Variants in PTRH2 observed in about 807,000 individuals in gnomAD.
PTRH2 encodes the protein peptidyl-tRNA hydrolase 2, also known as peptidyl-tRNA hydrolase 2, mitochondrial.
Under a neutral mutation model 12.3 loss-of-function variants are expected in PTRH2, and 10 were observed. That is an observed-to-expected ratio of 0.81 (90% CI 0.50 to 1.38). PTRH2 has a LOEUF of 1.38. Among genes scored for constraint, PTRH2 ranks in the 40% most tolerant of loss-of-function variants. The pLI, the probability that PTRH2 is intolerant of heterozygous loss-of-function variation, is 0.00. For synonymous variants in PTRH2, 73 were observed against 77.4 expected, an observed-to-expected ratio of 0.94 and a Z score of 0.30; for missense variants, 176 against 214.1, an observed-to-expected ratio of 0.82 and a Z score of 1.11.
intron 1 of PTRH2, among the ~76,000 whole-genome samples, chr17:59,702,921 T>C (rs1433972418): frequency 6.6e-6 from 1 of 152,234 alleles, no homozygotes; most frequent in African/African-American, 2.4e-5. Context: ...TGCCCTATTG[T>C]ACGCTAATAA....
chr17:59,707,338 C>A (rs1256874226), intron 1 of PTRH2, 33 bp downstream of exon 1: 3 of 152,620 alleles, frequency 2.0e-5, no homozygotes, highest in Non-Finnish European at 4.4e-5. Flanking sequence ...TGATATTGGT[C>A]TCCTTCGCCC....
At chr17:59,699,511 G>C (rs1255506031) in intron 1 of PTRH2, 1 of 153,154 alleles carries the variant, frequency 6.5e-6, no homozygotes, top group Non-Finnish European at 1.5e-5. Flanking sequence ...GTATATGTAG[G>C]ATCACTGGCA....
At position 59,706,508 on chromosome 17, in the gene PTRH2, AAAAC is replaced by A. The variant is rs558197068; in HGVS notation, c.-1+859_-1+862del. 2.4e-3 allele frequency among the ~76,000 whole-genome samples: 362 copies of A among 151,060 alleles called. 3 individuals carry two copies. Among genetic ancestry groups the A allele is most frequent in the African/African-American group, 7.9e-3 (326 of 41,142 alleles). ...CCGGGTCTGCAGTTTACAACCGAAA[AAAAC>A]AAACAAACCTTTCCCAAATCTTCTC... is the stretch of plus-strand genomic sequence containing the variant. On this transcript the variant is annotated intron_variant, in intron 1 of 1. Transcript: ENST00000393038.
intron 1 of PTRH2, chr17:59,698,865 A>G: frequency 1.4e-6 from 1 of 716,516 alleles, no homozygotes; most frequent in Non-Finnish European, 2.6e-6. Context: ...TTGTATGGGT[A>G]CTCACCATTA....
chr17:59,699,218 G>T, intron 1 of PTRH2: 1 of 232,776 alleles, frequency 4.3e-6, no homozygotes. Context: ...GGCCACTGCT[G>T]ATAGCAGCAA....
At chr17:59,706,341 T>G (rs2033657095) in intron 1 of PTRH2, among the ~76,000 whole-genome samples, 1 of 152,142 alleles carries the variant, frequency 6.6e-6, no homozygotes, top group African/African-American at 2.4e-5. Flanking sequence ...TGCACCATGC[T>G]CCACCCGTTA....
intron 1 of PTRH2, among the ~76,000 whole-genome samples, chr17:59,706,320 T>C (rs746616573): frequency 6.6e-6 from 1 of 152,156 alleles, no homozygotes; most frequent in Non-Finnish European, 1.5e-5. Context: ...CTTGATCCCA[T>C]TACCTCCTTC....
At chr17:59,698,924 GAAA>G in intron 1 of PTRH2, 1 of 714,836 alleles carries the variant, frequency 1.4e-6, no homozygotes, top group Non-Finnish European at 2.6e-6. Context: ...TTGAAGCACT[GAAA>G]TAGAATTAAT....
intron 1 of PTRH2, among the ~76,000 whole-genome samples, chr17:59,702,903 G>C (rs2033579321): frequency 6.6e-6 from 1 of 152,170 alleles, no homozygotes; most frequent in African/African-American, 2.4e-5. Flanking sequence ...CCTTATGTTA[G>C]ATGATTTTGC....
intron 1 of PTRH2, chr17:59,698,287 C>A: frequency 2.8e-6 from 1 of 360,624 alleles, no homozygotes; most frequent in Non-Finnish European, 5.0e-6. Context: ...TCCGTTTTAC[C>A]AAGATGCCTA....
chr17:59,703,508 T>G (rs1465655248), intron 1 of PTRH2, among the ~76,000 whole-genome samples: 1 of 152,212 alleles, frequency 6.6e-6, no homozygotes, highest in African/African-American at 2.4e-5. Context: ...GAGCCCTTGT[T>G]CTTTTTTCTT....
chr17:59,699,059 G>GT (rs1042205991), intron 1 of PTRH2: 1 of 571,408 alleles, frequency 1.8e-6, no homozygotes, highest in African/African-American at 1.9e-5. Flanking sequence ...GCATAGTGTT[G>GT]TTCTTCAGGA....
intron 1 of PTRH2, among the ~76,000 whole-genome samples, chr17:59,702,501 C>T (rs946721775): frequency 3.3e-5 from 5 of 152,158 alleles, no homozygotes; most frequent in African/African-American, 1.2e-4. Context: ...CTCAGTTGCC[C>T]ACCACTCACC....
intron 1 of PTRH2, among the ~76,000 whole-genome samples, chr17:59,704,249 G>A (rs978382203): frequency 1.3e-5 from 2 of 152,242 alleles, no homozygotes; most frequent in Non-Finnish European, 2.9e-5. Context: ...CTGACAGGAA[G>A]TCTGGTGGCA....
chr17:59,698,035 A>G (rs2143636749), intron 1 of PTRH2, 57 bp from the exon 2 acceptor site: 1 of 1,510,224 alleles, frequency 6.6e-7, no homozygotes, highest in Non-Finnish European at 8.9e-7. Flanking sequence ...ACAGAGGTAT[A>G]GGCTTATCAG....
intron 1 of PTRH2, chr17:59,700,528 T>G (rs1384496235): frequency 6.6e-6 from 1 of 152,186 alleles, no homozygotes; most frequent in East Asian, 1.9e-4. Flanking sequence ...TCTTTAAAGT[T>G]AGGGCATTAT....
At chr17:59,705,467 T>A (rs1420946901) in intron 1 of PTRH2, among the ~76,000 whole-genome samples, 1 of 152,200 alleles carries the variant, frequency 6.6e-6, no homozygotes, top group African/African-American at 2.4e-5. Context: ...TCACCCAGGC[T>A]AGAGTTCAGT....
intron 1 of PTRH2, chr17:59,699,281 T>C (rs1415687412): frequency 5.5e-6 from 1 of 181,976 alleles, no homozygotes; most frequent in African/African-American, 2.4e-5. Context: ...TGGGTGTAAC[T>C]TCTTCCACTG....
chr17:59,704,598 C>G (rs1445627383), intron 1 of PTRH2, among the ~76,000 whole-genome samples: 1 of 152,074 alleles, frequency 6.6e-6, no homozygotes, highest in Non-Finnish European at 1.5e-5. Flanking sequence ...AGGAAATGAA[C>G]ATTAGGAATC....
Sources: allele counts gnomAD v4.1 joint callset (sites outside exome capture counted in the v4.1 genomes callset), GRCh38; gene constraint gnomAD v4.1.1; transcripts MANE v1.5; gene names NCBI Gene and HGNC (gene_info 2026-07-23, HGNC 2026-07-21).